The following ZBTB44 variants were observed in gnomAD, a reference collection of about 807,000 sequenced individuals.
ZBTB44 encodes the protein zinc finger and BTB domain-containing protein 44.
In ZBTB44, 15 loss-of-function variants were observed where a neutral mutation model predicts 54.0. The observed-to-expected ratio is 0.28, with a 90% CI of 0.19 to 0.43. The LOEUF is 0.43. Ranked by LOEUF, ZBTB44 falls within the 20% of genes least tolerant of loss-of-function variation. ZBTB44 has a pLI of 1.00. For synonymous variants in ZBTB44, 230 were observed against 250.1 expected, an observed-to-expected ratio of 0.92 and a Z score of 0.76; for missense variants, 487 against 707.1, an observed-to-expected ratio of 0.69 and a Z score of 3.53.
intron 6 of ZBTB44, 133 bp downstream of exon 6, chr11:130,234,023 T>C (rs878980672): frequency 1.8e-5 from 28 of 1,523,120 alleles, no homozygotes; most frequent in South Asian, 2.4e-5. Context: ...AGCTCTGATT[T>C]TGGGGGGTCA....
At chr11:130,313,928 G>A (rs1383542124) in intron 1 of ZBTB44, among the ~76,000 whole-genome samples, 1 of 120,930 alleles carries the variant, frequency 8.3e-6, no homozygotes, top group Non-Finnish European at 1.7e-5. Flanking sequence ...GTGTGTATGT[G>A]TGTGTGTGTT....
At chr11:130,279,413 C>A (rs1940349649) in intron 1 of ZBTB44, among the ~76,000 whole-genome samples, 1 of 151,900 alleles carries the variant, frequency 6.6e-6, no homozygotes, top group African/African-American at 2.4e-5. Flanking sequence ...AATACCAGCA[C>A]TTTGGAAAGC....
At chr11:130,298,832 GACACACAC>G (rs71061379) in intron 1 of ZBTB44, among the ~76,000 whole-genome samples, 3 of 149,674 alleles carry the variant, frequency 2.0e-5, no homozygotes, top group African/African-American at 7.3e-5. Flanking sequence ...CAGACACCCA[GACACACAC>G]ACACACACAC....
At chr11:130,311,069 T>C (rs1942571381) in intron 1 of ZBTB44, among the ~76,000 whole-genome samples, 1 of 152,270 alleles carries the variant, frequency 6.6e-6, no homozygotes, top group Admixed American at 6.5e-5. Context: ...GTACTCATTA[T>C]ACATTCTTCA....
chr11:130,297,154 T>TA lies in ZBTB44; in HGVS notation c.-57+17220dup, dbSNP rs1181067747. On this transcript the variant is annotated intron_variant, in intron 1 of 7. Transcript: ENST00000357899. ...GTAGCCTTTAGAATTTAAACTTATC[T>TA]AACAAGAGCATAAATTGACTTGGGT... Among the ~76,000 whole-genome samples, 10 of 152,334 alleles carry TA rather than the reference T, an allele frequency of 6.6e-5. No individual in the cohort carries two copies. In the South Asian group the frequency reaches 8.3e-4, roughly 13 times the overall value.
In ZBTB44 at chr11:130,231,286, C is replaced by G. The variant is rs1953866075; in HGVS notation, c.*478G>C. Reference sequence around the variant, plus strand: ...CAATATCCTTAAAGTACATATATATCAAGAAAAATGTACCCTCACTGAAAT... The same window carrying G: ...CAATATCCTTAAAGTACATATATATGAAGAAAAATGTACCCTCACTGAAAT... On this transcript the variant is annotated 3_prime_UTR_variant, in exon 8 of 8. Coordinates refer to ENST00000357899, the MANE Select transcript of ZBTB44 (RefSeq NM_001301098.2). 1 of 151,932 alleles carries G rather than the reference C, an allele frequency of 6.6e-6. No homozygotes were observed. Among genetic ancestry groups the G allele is most frequent in the Non-Finnish European group, 1.5e-5 (1 of 67,936 alleles). The allele number at this position is 151,932 out of a possible 1,614,324, so 9.4% of individuals were successfully genotyped here.
intron 1 of ZBTB44, among the ~76,000 whole-genome samples, chr11:130,282,996 T>C (rs948363857): frequency 1.3e-5 from 2 of 150,764 alleles, no homozygotes; most frequent in Admixed American, 6.6e-5. Context: ...TTTTTAATTG[T>C]GGTTAAAAAA....
At position 130,239,816 on chromosome 11, in the gene ZBTB44, C is replaced by T; in HGVS notation, c.1099G>A (p.Asp367Asn). 1 of 1,609,930 alleles carries T rather than the reference C, an allele frequency of 6.2e-7. No individual in the cohort carries two copies. Among genetic ancestry groups the T allele is most frequent in the Non-Finnish European group, 8.5e-7 (1 of 1,177,190 alleles). ...SSTNAPPDDD[D>N]RLENVQYPYQ... ...AAATGCTATGTTAGTACTGACCGAT[C>T]ATCATCATCCGGAGGAGCATTAGTG... The change falls in exon 3 of 8, where the codon GAT becomes AAT. Residue 367 changes from aspartate to asparagine, a missense_variant. This residue lies in a region of ZBTB44 where 277 missense variants were observed against 306.5 expected (regional missense o/e 0.90). Coordinates refer to ENST00000357899, the MANE Select transcript of ZBTB44 (RefSeq NM_001301098.2).
intron 1 of ZBTB44, among the ~76,000 whole-genome samples, chr11:130,262,529 G>C (rs897729481): frequency 2.6e-5 from 4 of 152,144 alleles, no homozygotes; most frequent in Admixed American, 2.0e-4. Flanking sequence ...GACAGTATTT[G>C]AAATGCTTCA....
chr11:130,242,748 C>G (rs574708839), intron 2 of ZBTB44, among the ~76,000 whole-genome samples: 55 of 152,168 alleles, frequency 3.6e-4, no homozygotes, highest in African/African-American at 1.3e-3. Context: ...TGAATTTTCT[C>G]TACAATGTAT....
chr11:130,265,120 C>T (rs1168643009), intron 1 of ZBTB44, among the ~76,000 whole-genome samples: 1 of 152,170 alleles, frequency 6.6e-6, no homozygotes, highest in Non-Finnish European at 1.5e-5. Context: ...TCTCCTCCTC[C>T]TCAGGTCTCC....
intron 2 of ZBTB44, among the ~76,000 whole-genome samples, chr11:130,250,665 G>T (rs569277556): frequency 6.6e-6 from 1 of 152,282 alleles, no homozygotes; most frequent in East Asian, 1.9e-4. Context: ...CCAACAAACT[G>T]CAGCAGACCT....
intron 1 of ZBTB44, among the ~76,000 whole-genome samples, chr11:130,288,798 G>A (rs1246731277): frequency 6.6e-6 from 1 of 152,088 alleles, no homozygotes; most frequent in East Asian, 1.9e-4. Flanking sequence ...TTGGGAGGCA[G>A]AGGCACGAGA....
rs1942563748 is a variant in ZBTB44, at chr11:130,310,951, T to C, written c.-57+3424A>G. Among the ~76,000 whole-genome samples the C allele has an allele frequency of 3.9e-5, 6 of 152,188 alleles. No homozygotes were observed. In the South Asian group the frequency reaches 1.2e-3, roughly 31 times the overall value. On this transcript the variant is annotated intron_variant, in intron 1 of 7. Coordinates refer to ENST00000357899, the MANE Select transcript of ZBTB44 (RefSeq NM_001301098.2). Reference sequence around the variant, plus strand: ...TATTTTGACTTCTACACTATGTACATACTTTACATATTCAAAAATAAAATC... The same window carrying C: ...TATTTTGACTTCTACACTATGTACACACTTTACATATTCAAAAATAAAATC...
At chr11:130,249,730 G>A (rs1338560101) in intron 2 of ZBTB44, among the ~76,000 whole-genome samples, 2 of 152,240 alleles carry the variant, frequency 1.3e-5, no homozygotes, top group African/African-American at 4.8e-5. Flanking sequence ...ATCTGGCCCA[G>A]ATACTACGCT....
chr11:130,276,232 C>CA (rs757286125), intron 1 of ZBTB44, among the ~76,000 whole-genome samples: 6 of 31,748 alleles, frequency 1.9e-4, no homozygotes, highest in African/African-American at 4.9e-4. Flanking sequence ...AACTCTGTCT[C>CA]AAAAAAAAAA....
At chr11:130,269,430 G>A (rs1437625748) in intron 1 of ZBTB44, among the ~76,000 whole-genome samples, 1 of 152,166 alleles carries the variant, frequency 6.6e-6, no homozygotes, top group Non-Finnish European at 1.5e-5. Flanking sequence ...ACTTTGTGCA[G>A]CATTTACAAG....
intron 1 of ZBTB44, among the ~76,000 whole-genome samples, chr11:130,271,019 G>A (rs1261785816): frequency 6.6e-6 from 1 of 152,130 alleles, no homozygotes; most frequent in Non-Finnish European, 1.5e-5. Context: ...TAGAAGCTTG[G>A]AGCAGATAGA....
At chr11:130,246,867 C>G (rs867310436) in intron 2 of ZBTB44, among the ~76,000 whole-genome samples, 1 of 152,078 alleles carries the variant, frequency 6.6e-6, no homozygotes, top group South Asian at 2.1e-4. Flanking sequence ...ACTCTGTGAC[C>G]CTTATTTAAA....
Sources: gnomAD v4.1 joint callset for allele counts (sites outside exome capture counted in the v4.1 genomes callset) on GRCh38, gnomAD v4.1.1 for gene constraint, gnomAD v4.1.1 regional missense constraint, MANE v1.5 for transcripts, NCBI Gene and HGNC (gene_info 2026-07-23, HGNC 2026-07-21) for gene names.